Variants in ITGA2B observed in about 807,000 individuals in gnomAD.
ITGA2B encodes integrin subunit alpha 2b.
In ITGA2B, 91 loss-of-function variants were observed where a neutral mutation model predicts 142.0. The ratio of observed to expected loss-of-function variants is 0.64; its 90% confidence interval spans 0.54 to 0.76. The LOEUF is 0.76. Ranked by LOEUF, ITGA2B falls within the 30% of genes least tolerant of loss-of-function variation. The pLI is 0.00. For missense variants in ITGA2B, 1,231 were observed against 1,350.8 expected (o/e 0.91, Z 1.39); for synonymous variants, 536 against 567.2 (o/e 0.94, Z 0.78).
chr17:44,373,225 C>A (rs2048511828), intron 29 of ITGA2B, among the ~76,000 whole-genome samples: 1 of 151,874 alleles, frequency 6.6e-6, no homozygotes, highest in Admixed American at 6.6e-5. Context: ...GCAACCTTCA[C>A]CTCCCGGGTT....
Position 44,374,724 on chromosome 17 carries a change from A to C in ITGA2B, c.2878T>G (p.Trp960Gly). ...LDQFVLQSHA[W>G]FNVSSLPYAV... ...TAGGGGAGGGAGGACACGTTGAACC[A>C]TGCGTGCGACTGCAGCACAAACTGA... The change falls in exon 28 of 30, where the codon TGG becomes GGG. Residue 960 changes from tryptophan (W) to glycine (G), a missense_variant. Around this residue, in one of 3 missense-constraint regions of ITGA2B, gnomAD observed 908 missense variants for 1,021.1 expected, o/e 0.89. Coordinates refer to ENST00000262407, the MANE Select transcript of ITGA2B (RefSeq NM_000419.5). The C allele has an allele frequency of 6.2e-7, 1 of 1,614,066 alleles. No homozygotes were observed.
At chr17:44,375,185 G>C in intron 26 of ITGA2B, 74 bp from the exon 27 acceptor site, 1 of 1,293,938 alleles carries the variant, frequency 7.7e-7, no homozygotes, top group Non-Finnish European at 1.1e-6. Flanking sequence ...CTTACCCCCA[G>C]GACCCAACGC....
chr17:44,379,252 CTTT>C (rs376241329), intron 18 of ITGA2B, among the ~76,000 whole-genome samples: 1 of 114,634 alleles, frequency 8.7e-6, no homozygotes. Context: ...CTGCGCCTGG[CTTT>C]TTTTTTTTTT....
intron 7 of ITGA2B, 25 bp from the exon 8 acceptor site, chr17:44,384,610 CTT>C (rs1399332284): frequency 6.2e-7 from 1 of 1,613,784 alleles, no homozygotes; most frequent in Non-Finnish European, 8.5e-7. Flanking sequence ...GCAAATTAGT[CTT>C]TTCCAGGGGA....
In ITGA2B at chr17:44,384,572, G is replaced by A. The variant is rs756241246; in HGVS notation, c.813C>T (p.Ala271=). 1.6e-5 allele frequency: 26 copies of A among 1,613,968 alleles called. No individual in the cohort carries two copies. Among genetic ancestry groups the A allele is most frequent in the Non-Finnish European group, 2.1e-5 (25 of 1,180,048 alleles). Residue 271 remains alanine, a synonymous_variant, in exon 8 of 30, where the codon GCC becomes GCT. Transcript: ENST00000262407. ...YFDGYWGYSV[A]VGEFDGDLNT... is the part of the protein sequence containing the mutation. ...TGAGATCCCCGTCGAACTCGCCCACGGCCACCGAGTACCCTGAGGACAAGG... is the reference window on the plus strand; with the variant it reads ...TGAGATCCCCGTCGAACTCGCCCACAGCCACCGAGTACCCTGAGGACAAGG...
chr17:44,383,667 C>T lies in ITGA2B; in HGVS notation c.1036G>A (p.Glu346Lys). 1.9e-6 allele frequency: 3 copies of T among 1,592,694 alleles called. No homozygotes were observed. Among genetic ancestry groups the T allele is most frequent in the Non-Finnish European group, 2.6e-6 (3 of 1,169,476 alleles). ...DLLVGAPLYM[E>K]SRADRKLAEV... ...GCCAGTTTTCGGTCTGCCCGGCTCT[C>T]CATATACAGTGGAGCGCCCACCAGC... The change falls in exon 12 of 30, where the codon GAG (glutamate) becomes AAG (lysine). Residue 346 changes from glutamate (E) to lysine (K), a missense_variant. Glu to Lys is a moderately conservative substitution (Grantham distance 56, BLOSUM62 1). This residue lies in a region of ITGA2B where 908 missense variants were observed against 1,021.1 expected (regional missense o/e 0.89). Transcript: ENST00000262407.
chr17:44,386,244 C>G (rs908643619), intron 1 of ITGA2B, 113 bp from the exon 2 acceptor site: 6 of 1,482,520 alleles, frequency 4.0e-6, no homozygotes, highest in South Asian at 1.2e-5. Flanking sequence ...ACTGGACCAT[C>G]TTTCCTCAAT....
chr17:44,373,745 C>G (rs2048515436), intron 29 of ITGA2B, among the ~76,000 whole-genome samples: 1 of 152,152 alleles, frequency 6.6e-6, no homozygotes. Flanking sequence ...ACCCTCTATA[C>G]CCTCTATATC....
intron 7 of ITGA2B, 107 bp downstream of exon 7, chr17:44,384,841 G>A (rs1405515505): frequency 2.6e-6 from 4 of 1,564,646 alleles, no homozygotes; most frequent in African/African-American, 2.7e-5. Flanking sequence ...TTAGGCGGTG[G>A]GTTGGCCGGC....
chr17:44,385,230 G>T (rs1476731123), intron 5 of ITGA2B, 21 bp from the exon 6 acceptor site: 1 of 1,613,992 alleles, frequency 6.2e-7, no homozygotes, highest in Admixed American at 1.7e-5. Flanking sequence ...AGTCCTGAGG[G>T]TGAGAGGGGG....
chr17:44,387,777 G>GAT (rs1016412114), intron 1 of ITGA2B, among the ~76,000 whole-genome samples: 14 of 120,578 alleles, frequency 1.2e-4, no homozygotes, highest in African/African-American at 3.9e-4. Context: ...GTGAGCCAGT[G>GAT]ATTGTGCCAT....
chr17:44,377,727 G>T lies in ITGA2B; in HGVS notation c.2158C>A (p.Leu720Met), dbSNP rs1357353383. ...GCGTTCTTCTTCATGGGGTTGCCCA[G>T]CTCACACAGCACCACCCTGGTCTCA... ...ENETRVVLCELGNPMKKNAQI... is the reference protein window; with the variant it reads ...ENETRVVLCEMGNPMKKNAQI... The change falls in exon 21 of 30, where the codon CTG becomes ATG. Residue 720 changes from leucine to methionine, a missense_variant. Physicochemically the swap from Leu to Met is conservative, Grantham distance 15 (BLOSUM62 2). Around this residue, in one of 3 missense-constraint regions of ITGA2B, gnomAD observed 908 missense variants for 1,021.1 expected, o/e 0.89. Coordinates refer to ENST00000262407, the MANE Select transcript of ITGA2B (RefSeq NM_000419.5). 6.2e-7 allele frequency: 1 copy of T among 1,613,806 alleles called. No homozygotes were observed. Among genetic ancestry groups the T allele is most frequent in the Admixed American group, 1.7e-5 (1 of 60,002 alleles).
intron 11 of ITGA2B, 36 bp from the exon 12 acceptor site, chr17:44,383,740 C>G: frequency 6.4e-7 from 1 of 1,556,074 alleles, no homozygotes; most frequent in Non-Finnish European, 8.7e-7. Context: ...GGGACTGGAC[C>G]AGGGGTATAT....
At chr17:44,374,928 C>T (rs1357464081) in intron 27 of ITGA2B, 70 bp downstream of exon 27, 3 of 1,397,056 alleles carry the variant, frequency 2.1e-6, no homozygotes, top group Non-Finnish European at 2.9e-6. Context: ...CACACCAAAC[C>T]CCGCCCCTCC....
At chr17:44,382,225 TTG>T (rs1197834823) in intron 12 of ITGA2B, among the ~76,000 whole-genome samples, 1 of 152,120 alleles carries the variant, frequency 6.6e-6, no homozygotes, top group Non-Finnish European at 1.5e-5. Context: ...TTCTTCCACA[TTG>T]AAATAATCTT....
chr17:44,374,708 G>A lies in ITGA2B; in HGVS notation c.2894C>T (p.Ser965Phe). ...GAGCGGGGGCACCGCATAGGGGAGGGAGGACACGTTGAACCATGCGTGCGA... is the reference window on the plus strand; with the variant it reads ...GAGCGGGGGCACCGCATAGGGGAGGAAGGACACGTTGAACCATGCGTGCGA... ...LQSHAWFNVS[S>F]LPYAVPPLSL... Residue 965 changes from serine (S) to phenylalanine (F), a missense_variant, in exon 28 of 30, where the codon TCC becomes TTC. Ser to Phe is a radical substitution (Grantham distance 155). Around this residue, in one of 3 missense-constraint regions of ITGA2B, gnomAD observed 908 missense variants for 1,021.1 expected, o/e 0.89. Coordinates refer to ENST00000262407, the MANE Select transcript of ITGA2B (RefSeq NM_000419.5). 1 of 1,614,082 alleles carries A rather than the reference G, an allele frequency of 6.2e-7. No individual in the cohort carries two copies. Among genetic ancestry groups the A allele is most frequent in the South Asian group, 1.1e-5 (1 of 91,082 alleles).
At position 44,383,441 on chromosome 17, in the gene ITGA2B, T is replaced by C. The variant is rs1254353294; in HGVS notation, c.1210+52A>G. On this transcript the variant is annotated intron_variant, in intron 12 of 29. Transcript: ENST00000262407. ...TGCCCTCAGGCCAACTCCATGCTTT[T>C]TGAGTGGCTGTTAACCCCTCTGCAG... 3.6e-5 allele frequency: 55 copies of C among 1,537,666 alleles called. 1 individual carries two copies. The highest frequency in any genetic ancestry group is 4.6e-4 in the Middle Eastern group (2 of 4,378).
intron 4 of ITGA2B, 52 bp downstream of exon 4, chr17:44,385,499 G>A: frequency 1.3e-6 from 2 of 1,531,990 alleles, no homozygotes; most frequent in Non-Finnish European, 1.7e-6. Context: ...TCCGATGGGG[G>A]CGGGGCCAAG....
intron 26 of ITGA2B, chr17:44,375,380 A>G (rs2048531733): frequency 4.6e-6 from 3 of 650,054 alleles, no homozygotes; most frequent in Non-Finnish European, 7.9e-6. Flanking sequence ...ATGCTCCTTA[A>G]CGTACTGGGA....
Sources: allele counts gnomAD v4.1 joint callset (sites outside exome capture counted in the v4.1 genomes callset), GRCh38; gene constraint gnomAD v4.1.1; regional missense constraint gnomAD v4.1.1; transcripts MANE v1.5; gene names NCBI Gene and HGNC (gene_info 2026-07-23, HGNC 2026-07-21).